Variants in SV2C observed in about 807,000 individuals in gnomAD.
SV2C encodes solute carrier family 22 member B3.
Under a neutral mutation model 79.7 loss-of-function variants are expected in SV2C, and 49 were observed. The ratio of observed to expected loss-of-function variants is 0.61; its 90% CI spans 0.49 to 0.78. The LOEUF (loss-of-function observed/expected upper bound fraction) is 0.78. SV2C is among the 30% of genes least tolerant of loss of function. SV2C has a pLI of 0.00. For synonymous variants in SV2C, 334 were observed against 333.2 expected (o/e 1.00, Z -0.03); for missense variants, 833 against 912.9 (o/e 0.91, Z 1.13).
At chr5:75,854,766 C>G in the SV2C span, among the ~76,000 whole-genome samples, 1 of 152,046 alleles carries the variant, frequency 6.6e-6, no homozygotes, top group Non-Finnish European at 1.5e-5. Context: ...CTATTGCATC[C>G]TAAGAAGGCT....
chr5:76,229,069 G>A (rs183163778), intron 4 of SV2C, among the ~76,000 whole-genome samples: 2 of 152,154 alleles, frequency 1.3e-5, no homozygotes, highest in African/African-American at 2.4e-5. Flanking sequence ...CCCACAAAAC[G>A]TGTCCTCCAA....
intron 4 of SV2C, among the ~76,000 whole-genome samples, chr5:76,235,127 TC>T (rs1745571408): frequency 6.7e-6 from 1 of 149,716 alleles, no homozygotes; most frequent in Non-Finnish European, 1.5e-5. Flanking sequence ...ATTTTTTTTT[TC>T]ACAAAAGGAT....
At chr5:76,042,907 C>T in the SV2C span, among the ~76,000 whole-genome samples, 2 of 152,162 alleles carry the variant, frequency 1.3e-5, no homozygotes, top group African/African-American at 4.8e-5. Context: ...AGCAATGTGA[C>T]CTTGCCAAGA....
At chr5:75,941,568 A>G in the SV2C span, among the ~76,000 whole-genome samples, 1 of 152,222 alleles carries the variant, frequency 6.6e-6, no homozygotes, top group Non-Finnish European at 1.5e-5. Context: ...ATAGAAATTT[A>G]AGGTAGGTAT....
rs1748974991 is a variant in SV2C, at chr5:76,325,705, C to T, written c.*158C>T. ...TAAAATTTAGAAGCATATCATCTTGCCCCTTTGTGATTTTGCACAGGTTGT... is the reference window on the plus strand; with the variant it reads ...TAAAATTTAGAAGCATATCATCTTGTCCCTTTGTGATTTTGCACAGGTTGT... On this transcript the variant is annotated 3_prime_UTR_variant, in exon 13 of 13. Transcript: ENST00000502798. The T allele has an allele frequency of 8.5e-6, 9 of 1,054,422 alleles. No individual in the cohort carries two copies. The South Asian group carries it at 1.7e-4, about 20-fold the overall frequency. 65.3% of individuals were successfully genotyped at this position (1,054,422 alleles called of 1,614,324 possible).
intron 4 of SV2C, among the ~76,000 whole-genome samples, chr5:76,210,399 A>G (rs1744735413): frequency 6.6e-6 from 1 of 152,212 alleles, no homozygotes; most frequent in South Asian, 2.1e-4. Context: ...ATTTGCTAGA[A>G]TGGCTCACAG....
chr5:76,027,566 AG>A, the SV2C span, among the ~76,000 whole-genome samples: 1 of 152,104 alleles, frequency 6.6e-6, no homozygotes, highest in African/African-American at 2.4e-5. Context: ...TCTTTTTCGA[AG>A]TTGTTTTAGC....
intron 10 of SV2C, among the ~76,000 whole-genome samples, chr5:76,300,192 T>TATTATTATTATTATTATTA (rs3073535): frequency 6.7e-6 from 1 of 148,798 alleles, no homozygotes; most frequent in African/African-American, 2.5e-5. Flanking sequence ...TTATTATTAT[T>TATTATTATTATTATTATTA]TTTGTAGAGA....
At chr5:76,062,677 A>C in the SV2C span, among the ~76,000 whole-genome samples, 1 of 151,888 alleles carries the variant, frequency 6.6e-6, no homozygotes, top group African/African-American at 2.4e-5. Context: ...TTATTGCTTT[A>C]TGGCTGTCTA....
At chr5:76,206,620 C>A (rs1211204016) in intron 3 of SV2C, among the ~76,000 whole-genome samples, 2 of 152,218 alleles carry the variant, frequency 1.3e-5, no homozygotes, top group Non-Finnish European at 2.9e-5. Context: ...GGTATGCCAA[C>A]TACAACATTG....
At chr5:75,962,572 G>A in the SV2C span, among the ~76,000 whole-genome samples, 3 of 152,052 alleles carry the variant, frequency 2.0e-5, no homozygotes, top group South Asian at 6.2e-4. Flanking sequence ...ATTTTCATGA[G>A]GTGTCAGTGA....
Position 76,331,948 on chromosome 5 carries a change from C to CA in SV2C, c.*6402dup, listed in dbSNP as rs1196297559. On this transcript the variant is annotated 3_prime_UTR_variant, in exon 13 of 13. Coordinates refer to ENST00000502798, the MANE Select transcript of SV2C (RefSeq NM_014979.4). ...GGGCACAGCTGGTATGGAATCAGAG[C>CA]AGCCCATCTCCAGAGCAGAAGTCTG... The CA allele has an allele frequency of 1.3e-5, 2 of 152,192 alleles. No individual in the cohort carries two copies. Among genetic ancestry groups the CA allele is most frequent in the African/African-American group, 4.8e-5 (2 of 41,420 alleles). 9.4% of individuals were successfully genotyped at this position (152,192 alleles called of 1,614,324 possible).
intron 1 of SV2C, among the ~76,000 whole-genome samples, chr5:76,129,255 T>C (rs1460748723): frequency 6.6e-6 from 1 of 152,224 alleles, no homozygotes; most frequent in African/African-American, 2.4e-5. Context: ...TTTGAATAAG[T>C]ATTCATATTT....
chr5:75,909,371 C>T, the SV2C span, among the ~76,000 whole-genome samples: 1 of 152,180 alleles, frequency 6.6e-6, no homozygotes, highest in Non-Finnish European at 1.5e-5. Context: ...TAAAATGCCA[C>T]TTAGTCTAAA....
intron 1 of SV2C, among the ~76,000 whole-genome samples, chr5:76,123,786 A>G (rs546818379): frequency 3.3e-5 from 5 of 152,286 alleles, no homozygotes; most frequent in South Asian, 4.1e-4. Context: ...GAGAACCACT[A>G]CTATGGAAGA....
intron 2 of SV2C, among the ~76,000 whole-genome samples, chr5:76,177,633 T>A (rs1743580670): frequency 6.6e-6 from 1 of 152,234 alleles, no homozygotes. Context: ...GGGGAACTAC[T>A]GTATGCTATT....
At chr5:75,953,910 A>G in the SV2C span, among the ~76,000 whole-genome samples, 5 of 151,982 alleles carry the variant, frequency 3.3e-5, no homozygotes, top group Admixed American at 2.0e-4. Context: ...GCACCTCCAA[A>G]TGAACTGTTT....
chr5:76,353,094 C>A (rs562579616), intron 12 of SV2C: 1 of 433,422 alleles, frequency 2.3e-6, no homozygotes, highest in East Asian at 6.9e-5. Context: ...GTGGGAGCCA[C>A]CATGCCCAGC....
At chr5:75,858,040 C>A in the SV2C span, among the ~76,000 whole-genome samples, 4 of 152,296 alleles carry the variant, frequency 2.6e-5, no homozygotes, top group South Asian at 4.1e-4. Flanking sequence ...AAGATCGAAT[C>A]ATCTGCAAAC....
Sources: allele counts gnomAD v4.1 joint callset (sites outside exome capture counted in the v4.1 genomes callset), GRCh38; gene constraint gnomAD v4.1.1; transcripts MANE v1.5; gene names NCBI Gene and HGNC (gene_info 2026-07-23, HGNC 2026-07-21).